Variants in TENM3 observed in about 807,000 individuals in gnomAD.
The protein encoded by TENM3 is teneurin-3.
Under a neutral mutation model 255.1 loss-of-function variants are expected in TENM3, and 63 were observed. That is an observed-to-expected ratio of 0.25 (90% CI 0.20 to 0.30). The LOEUF is 0.30. Among genes scored for constraint, TENM3 ranks in the 10% least tolerant of loss-of-function variants. The probability of loss-of-function intolerance (pLI) is 1.00; values close to 1 mark genes in which losing one functional copy is unlikely to be tolerated. For missense variants in TENM3, 2,929 were observed against 3,461.1 expected (o/e 0.85, Z 3.86); for synonymous variants, 1,306 against 1,322.3 (o/e 0.99, Z 0.27).
the TENM3 span, among the ~76,000 whole-genome samples, chr4:181,697,606 A>T: frequency 6.6e-6 from 1 of 151,800 alleles, no homozygotes; most frequent in Non-Finnish European, 1.5e-5. Flanking sequence ...GTTAGACAGG[A>T]TGGTCTCGAT....
the TENM3 span, among the ~76,000 whole-genome samples, chr4:181,805,249 G>T: frequency 6.6e-6 from 1 of 151,834 alleles, no homozygotes; most frequent in Admixed American, 6.6e-5. Context: ...TAACCTTCAC[G>T]CAAAACCGTT....
At chr4:182,651,693 T>A (rs1470025225) in intron 5 of TENM3, among the ~76,000 whole-genome samples, 2 of 134,274 alleles carry the variant, frequency 1.5e-5, no homozygotes, top group Non-Finnish European at 3.3e-5. Context: ...CGAGACTCCG[T>A]CTCAGAAAAA....
rs6819679 is a variant in TENM3, at chr4:182,510,706, A to G, written c.512-90218A>G. On this transcript the variant is annotated intron_variant, in intron 3 of 27. Coordinates refer to ENST00000511685, the MANE Select transcript of TENM3 (RefSeq NM_001080477.4). Reference sequence around the variant, plus strand: ...GAATCTTCGACATGTATTTCTGCCTATGAACTTCCCCTATAGCATTGTCTT... The same window carrying G: ...GAATCTTCGACATGTATTTCTGCCTGTGAACTTCCCCTATAGCATTGTCTT... Among the ~76,000 whole-genome samples, 551 of 152,304 alleles carry G rather than the reference A, an allele frequency of 3.6e-3. 3 individuals are homozygous for G. The highest frequency in any genetic ancestry group is 0.011 in the African/African-American group (466 of 41,566).
chr4:181,837,168 TA>T, the TENM3 span, among the ~76,000 whole-genome samples: 7 of 152,268 alleles, frequency 4.6e-5, no homozygotes, highest in South Asian at 1.2e-3. Context: ...TCATTTTTTT[TA>T]AATAGAAAGT....
At chr4:181,973,137 T>A in the TENM3 span, among the ~76,000 whole-genome samples, 1 of 152,186 alleles carries the variant, frequency 6.6e-6, no homozygotes, top group Non-Finnish European at 1.5e-5. Flanking sequence ...CCTGACATCA[T>A]TGAAAGAATA....
chr4:182,232,249 G>A (rs1055642591), intron 1 of TENM3, among the ~76,000 whole-genome samples: 1 of 152,238 alleles, frequency 6.6e-6, no homozygotes, highest in East Asian at 1.9e-4. Context: ...CTTGGCCACC[G>A]TGTTGGTCCT....
chr4:181,495,279 T>G, the TENM3 span, among the ~76,000 whole-genome samples: 2 of 151,980 alleles, frequency 1.3e-5, no homozygotes, highest in Admixed American at 1.3e-4. Context: ...GTCATAGGAG[T>G]TAGCGAAGGA....
At chr4:181,790,027 G>A in the TENM3 span, among the ~76,000 whole-genome samples, 1 of 152,112 alleles carries the variant, frequency 6.6e-6, no homozygotes, top group African/African-American at 2.4e-5. Context: ...ATTTACAGTG[G>A]GTGGGTCAGA....
At chr4:181,874,490 A>G in the TENM3 span, 1 of 152,344 alleles carries the variant, frequency 6.6e-6, no homozygotes, top group African/African-American at 2.4e-5. Context: ...TTACGATAAA[A>G]TGTCTCTCTT....
the TENM3 span, among the ~76,000 whole-genome samples, chr4:182,063,361 TA>T: frequency 6.6e-6 from 1 of 152,216 alleles, no homozygotes; most frequent in East Asian, 1.9e-4. Flanking sequence ...ATAAGAGGCT[TA>T]AAAGTAACAG....
chr4:182,359,545 T>C (rs1197629372), intron 3 of TENM3, among the ~76,000 whole-genome samples: 1 of 150,758 alleles, frequency 6.6e-6, no homozygotes, highest in Non-Finnish European at 1.5e-5. Context: ...AGTTTGTATT[T>C]CTGTGGGATC....
intron 3 of TENM3, among the ~76,000 whole-genome samples, chr4:182,501,371 A>AGTG (rs1553966947): frequency 1.5e-5 from 1 of 68,158 alleles, no homozygotes; most frequent in African/African-American, 3.6e-5. Context: ...TATGTCTAAA[A>AGTG]GTGGGGGGGG....
chr4:181,461,020 T>C, the TENM3 span, among the ~76,000 whole-genome samples: 1 of 152,090 alleles, frequency 6.6e-6, no homozygotes, highest in Admixed American at 6.6e-5. Context: ...TCTTGCTTGA[T>C]AAGCATCTTT....
At chr4:181,805,469 G>T in the TENM3 span, among the ~76,000 whole-genome samples, 2 of 152,122 alleles carry the variant, frequency 1.3e-5, no homozygotes, top group Admixed American at 6.5e-5. Flanking sequence ...CCCACGGAAA[G>T]GTCATGTCCT....
At chr4:181,892,103 T>G in the TENM3 span, among the ~76,000 whole-genome samples, 1 of 152,148 alleles carries the variant, frequency 6.6e-6, no homozygotes, top group Non-Finnish European at 1.5e-5. Flanking sequence ...CTGTGAAAAA[T>G]AAATTTCTAT....
At chr4:182,466,081 G>A (rs1255806608) in intron 3 of TENM3, among the ~76,000 whole-genome samples, 1 of 152,060 alleles carries the variant, frequency 6.6e-6, no homozygotes, top group African/African-American at 2.4e-5. Flanking sequence ...AATCACCAAA[G>A]AATACATGAA....
the TENM3 span, among the ~76,000 whole-genome samples, chr4:182,095,476 C>G: frequency 6.6e-6 from 1 of 152,008 alleles, no homozygotes; most frequent in Non-Finnish European, 1.5e-5. Context: ...CTCACTCATA[C>G]GTGAAAGCTT....
rs530223498 is a variant in TENM3 at position 182,800,743 on chromosome 4, A to G, written c.*392A>G. The G allele has an allele frequency of 6.2e-6, 1 of 161,952 alleles. No individual in the cohort carries two copies. Among genetic ancestry groups the G allele is most frequent in the Non-Finnish European group, 1.4e-5 (1 of 73,472 alleles). The allele number at this position is 161,952 out of a possible 1,614,324, so 10.0% of individuals were successfully genotyped here. A position where few individuals can be genotyped will look rare whatever the true frequency, so the allele number is the denominator to read the frequency against. ...TCCCGAATTGTCGACCTTTGCTTAC[A>G]AGAAGTAGTCTGTCTGCATAGGATG... On this transcript the variant is annotated 3_prime_UTR_variant, in exon 28 of 28. Transcript: ENST00000511685.
chr4:181,567,359 A>G, the TENM3 span, among the ~76,000 whole-genome samples: 1 of 152,336 alleles, frequency 6.6e-6, no homozygotes, highest in East Asian at 1.9e-4. Context: ...TCTCTTGCAA[A>G]TGTAGAAACT....
Sources: allele counts gnomAD v4.1 joint callset (sites outside exome capture counted in the v4.1 genomes callset), GRCh38; gene constraint gnomAD v4.1.1; transcripts MANE v1.5; gene names NCBI Gene and HGNC (gene_info 2026-07-23, HGNC 2026-07-21).